Variants in AFF2 observed in about 807,000 individuals in gnomAD.
AFF2 encodes ALF transcription elongation factor 2.
In AFF2, 14 loss-of-function variants were observed where a neutral mutation model predicts 76.9. The observed-to-expected ratio is 0.18, with a 90% CI of 0.12 to 0.28. AFF2 has a LOEUF of 0.28. Ranked by LOEUF, AFF2 falls within the 10% of genes least tolerant of loss-of-function variation. The pLI is 1.00. For synonymous variants in AFF2, 398 were observed against 366.7 expected, an observed-to-expected ratio of 1.09 and a Z score of -0.98; for missense variants, 868 against 1,001.1, an observed-to-expected ratio of 0.87 and a Z score of 1.79.
intron 9 of AFF2, among the ~76,000 whole-genome samples, chrX:148,922,258 C>T (rs781948148): frequency 1.7e-4 from 19 of 111,958 alleles, no homozygotes; most frequent in South Asian, 7.6e-4. Context: ...ATGTCGCACA[C>T]GATGCATGAA....
At chrX:148,765,676 CTTTA>C (rs201915480) in intron 3 of AFF2, among the ~76,000 whole-genome samples, 28,277 of 107,588 alleles carry the variant, frequency 0.26, 4,614 homozygotes, top group African/African-American at 0.58. Flanking sequence ...CTAAGAAAGT[CTTTA>C]TTTATTTATT....
intron 1 of AFF2, among the ~76,000 whole-genome samples, chrX:148,601,410 G>A (rs1224044688): frequency 3.6e-5 from 4 of 111,744 alleles, no homozygotes; most frequent in Non-Finnish European, 5.6e-5. Flanking sequence ...TATGTAAATC[G>A]TCAATGAATT....
chrX:148,781,268 C>T (rs1270303022), intron 3 of AFF2, among the ~76,000 whole-genome samples: 1 of 112,397 alleles, frequency 8.9e-6, no homozygotes, highest in Non-Finnish European at 1.9e-5. Flanking sequence ...GGGAGATCCA[C>T]TGCTCTCTTC....
intron 7 of AFF2, among the ~76,000 whole-genome samples, chrX:148,884,275 C>T (rs1289212910): frequency 8.9e-6 from 1 of 112,278 alleles, no homozygotes; most frequent in Non-Finnish European, 1.9e-5. Flanking sequence ...AGTTGTCCTT[C>T]CCAGCAATCA....
chrX:148,845,387 G>A (rs191703209), intron 7 of AFF2, among the ~76,000 whole-genome samples: 20 of 111,626 alleles, frequency 1.8e-4, no homozygotes, highest in South Asian at 1.1e-3. Context: ...ACAGCACTTC[G>A]TAGCACAGTA....
chrX:148,987,451 C>G lies in AFF2; in HGVS notation c.3708C>G (p.Pro1236=), dbSNP rs1557291718. 8.3e-7 allele frequency: 1 copy of G among 1,211,312 alleles called. No individual in the cohort carries two copies. Among genetic ancestry groups the G allele is most frequent in the South Asian group, 1.8e-5 (1 of 56,961 alleles). Residue 1236 remains proline, a synonymous_variant, in exon 20 of 21, where the codon CCC becomes CCG. Coordinates refer to ENST00000370460, the MANE Select transcript of AFF2 (RefSeq NM_002025.4). The stretch of plus-strand genomic sequence containing the variant: ...GTAACAATGGCCCAGTCACCATTCC[C>G]CAGCGCATTCACCACATGGCTGCCA... ...GNCNNGPVTI[P]QRIHHMAASH...
intron 1 of AFF2, among the ~76,000 whole-genome samples, chrX:148,502,955 G>C (rs1467879246): frequency 8.9e-6 from 1 of 112,435 alleles, no homozygotes; most frequent in Non-Finnish European, 1.9e-5. Flanking sequence ...CCTGTGGGAG[G>C]CTTTCTTTTT....
intron 15 of AFF2, 152 bp downstream of exon 15, chrX:148,967,844 A>G: frequency 2.2e-6 from 1 of 463,238 alleles, no homozygotes; most frequent in Non-Finnish European, 3.6e-6. Flanking sequence ...GATTTGAACT[A>G]GTGAATTACT....
chrX:148,636,594 T>A (rs2054033516), intron 1 of AFF2, among the ~76,000 whole-genome samples: 1 of 112,165 alleles, frequency 8.9e-6, no homozygotes, highest in Non-Finnish European at 1.9e-5. Context: ...AGGATGCTGA[T>A]TTATCTGGCT....
intron 9 of AFF2, among the ~76,000 whole-genome samples, chrX:148,929,429 A>C (rs1481005862): frequency 1.8e-5 from 2 of 112,396 alleles, no homozygotes; most frequent in Admixed American, 1.9e-4. Flanking sequence ...ATTTAATATC[A>C]TTAGGAAACC....
rs183523519 is a variant in AFF2 at position 148,917,287 on chromosome X, T to C, written c.1397+13029T>C. 7.0e-4 allele frequency among the ~76,000 whole-genome samples: 78 copies of C among 112,219 alleles called. 1 individual carries two copies. In the East Asian group the frequency reaches 0.018, roughly 25 times the overall value. On this transcript the variant is annotated intron_variant, in intron 9 of 20. Coordinates refer to ENST00000370460, the MANE Select transcript of AFF2 (RefSeq NM_002025.4). ...AAAAGAGGAGGCACAGGAGTGAAGA[T>C]GTCGGCCTCCCTATGAATGGGGGTT...
rs188570511 is a variant in AFF2 at position 148,982,139 on chromosome X, T to A, written c.3623+1349T>A. ...ATCACTGGGGAAAAAAGCGTTTTTT[T>A]AAAAAAAATTCTGAAACGCAAGAAC... On this transcript the variant is annotated intron_variant, in intron 19 of 20. Coordinates refer to ENST00000370460, the MANE Select transcript of AFF2 (RefSeq NM_002025.4). 1.8e-3 allele frequency among the ~76,000 whole-genome samples: 204 copies of A among 111,700 alleles called. 1 individual carries two copies. In the Middle Eastern group the frequency reaches 0.019, roughly 10 times the overall value.
rs1557288983 is a variant in AFF2 at position 148,967,648 on chromosome X, T to C, written c.3223T>C (p.Tyr1075His). 1 of 1,210,545 alleles carries C rather than the reference T, an allele frequency of 8.3e-7. No homozygotes were observed. Among genetic ancestry groups the C allele is most frequent in the Admixed American group, 2.2e-5 (1 of 46,058 alleles). Reference protein sequence around the residue: ...FDDSVHNADYYMQEAKKLKHK... With the variant: ...FDDSVHNADYHMQEAKKLKHK... ...ATTTAGGGTTCACAATGCTGATTAT[T>C]ACATGCAAGAAGCTAAGAAGCTGAA... The change falls in exon 15 of 21, where the codon TAC (tyrosine) becomes CAC (histidine). Residue 1075 changes from tyrosine (Y) to histidine (H), a missense_variant. Physicochemically the swap from Tyr to His is moderately conservative, Grantham distance 83 (BLOSUM62 2). Around this residue, in one of 6 missense-constraint regions of AFF2, gnomAD observed 57 missense variants for 117.8 expected, o/e 0.48. Transcript: ENST00000370460.
chrX:148,989,321 C>A (rs1421568747), intron 20 of AFF2, among the ~76,000 whole-genome samples: 1 of 112,485 alleles, frequency 8.9e-6, no homozygotes, highest in Non-Finnish European at 1.9e-5. Context: ...GTATTTCCTT[C>A]TAAATTAACT....
intron 9 of AFF2, among the ~76,000 whole-genome samples, chrX:148,916,125 T>C (rs1340614825): frequency 5.5e-5 from 6 of 108,940 alleles, no homozygotes; most frequent in African/African-American, 1.7e-4. Context: ...TTGGAGAGTG[T>C]GGTCAAACCA....
At chrX:148,841,976 G>T (rs2070606164) in intron 5 of AFF2, among the ~76,000 whole-genome samples, 1 of 112,113 alleles carries the variant, frequency 8.9e-6, no homozygotes, top group Non-Finnish European at 1.9e-5. Context: ...TTTCACTTTT[G>T]ATTAAAGCAA....
chrX:148,601,776 C>T lies in AFF2; in HGVS notation c.48-50223C>T, dbSNP rs567976265. ...AAATTTCAATATTTTAATATCCCAG[C>T]GACAAACTCTATATGCCTCTTTCTG... On this transcript the variant is annotated intron_variant, in intron 1 of 20. Coordinates refer to ENST00000370460, the MANE Select transcript of AFF2 (RefSeq NM_002025.4). Among the ~76,000 whole-genome samples, 13 of 111,689 alleles carry T rather than the reference C, an allele frequency of 1.2e-4. 1 individual carries two copies. The highest frequency in any genetic ancestry group is 1.1e-3 in the East Asian group (4 of 3,553).
At chrX:148,821,370 T>C (rs2070326264) in intron 4 of AFF2, among the ~76,000 whole-genome samples, 1 of 110,689 alleles carries the variant, frequency 9.0e-6, no homozygotes. Flanking sequence ...CTGAAAGTGT[T>C]CAATAGAGGC....
chrX:148,717,102 A>T (rs782277038), intron 3 of AFF2, among the ~76,000 whole-genome samples: 8 of 112,089 alleles, frequency 7.1e-5, no homozygotes, highest in Non-Finnish European at 1.1e-4. Flanking sequence ...ACACAGAAAA[A>T]TGGCACGCAG....
Sources: gnomAD v4.1 joint callset for allele counts (sites outside exome capture counted in the v4.1 genomes callset) on GRCh38, gnomAD v4.1.1 for gene constraint, gnomAD v4.1.1 regional missense constraint, MANE v1.5 for transcripts, NCBI Gene and HGNC (gene_info 2026-07-23, HGNC 2026-07-21) for gene names.